Variants in EXOC6B observed in about 807,000 individuals in gnomAD.
EXOC6B encodes exocyst complex component 6B, also known as SEC15 homolog B.
A neutral mutation model predicts 113.5 loss-of-function variants in EXOC6B; 54 were observed. That is an observed-to-expected ratio of 0.48 (90% CI 0.38 to 0.60). The LOEUF (loss-of-function observed/expected upper bound fraction) is 0.60, where lower values mean the gene tolerates loss of function less well. EXOC6B is among the 20% of genes least tolerant of loss of function. EXOC6B has a pLI of 0.00. For missense variants in EXOC6B, 797 were observed against 977.5 expected, an observed-to-expected ratio of 0.82 and a Z score of 2.46; for synonymous variants, 357 against 339.0, an observed-to-expected ratio of 1.05 and a Z score of -0.58.
chr2:72,270,633 G>A (rs1049491123), intron 20 of EXOC6B, among the ~76,000 whole-genome samples: 2 of 151,984 alleles, frequency 1.3e-5, no homozygotes, highest in Non-Finnish European at 2.9e-5. Context: ...TTTCTTAGCT[G>A]CTTGCTTCTC....
At chr2:72,374,832 A>T (rs978414645) in intron 19 of EXOC6B, among the ~76,000 whole-genome samples, 6 of 150,624 alleles carry the variant, frequency 4.0e-5, no homozygotes, top group Non-Finnish European at 7.4e-5. Flanking sequence ...TACAAAATTT[A>T]AAAAATTACA....
intron 18 of EXOC6B, among the ~76,000 whole-genome samples, chr2:72,393,333 A>G (rs1182328433): frequency 6.6e-6 from 1 of 151,942 alleles, no homozygotes; most frequent in Non-Finnish European, 1.5e-5. Context: ...TGACCTCGTG[A>G]TCCACCCACC....
In EXOC6B at chr2:72,710,624, C is replaced by A. The variant is rs896226950; in HGVS notation, c.669+7479G>T. 1.3e-4 allele frequency among the ~76,000 whole-genome samples: 20 copies of A among 152,312 alleles called. No homozygotes were observed. The South Asian group carries it at 4.1e-3, about 32-fold the overall frequency. ...CATGTTTTGCATAATATCTAGCATA[C>A]AAGAGGCTTCAACAATACTTTTACG... On this transcript the variant is annotated intron_variant, in intron 6 of 21. Coordinates refer to ENST00000272427, the MANE Select transcript of EXOC6B (RefSeq NM_015189.3).
At chr2:72,740,401 A>G (rs1226117225) in intron 2 of EXOC6B, among the ~76,000 whole-genome samples, 3 of 152,228 alleles carry the variant, frequency 2.0e-5, no homozygotes, top group Non-Finnish European at 4.4e-5. Context: ...GAAAACTCAA[A>G]TTACATATAA....
chr2:72,614,409 C>A (rs1485093228), intron 6 of EXOC6B, among the ~76,000 whole-genome samples: 1 of 152,004 alleles, frequency 6.6e-6, no homozygotes, highest in African/African-American at 2.4e-5. Context: ...ACTGAACAGC[C>A]TGTATATGGA....
intron 18 of EXOC6B, among the ~76,000 whole-genome samples, chr2:72,425,972 G>A (rs1157251191): frequency 6.6e-6 from 1 of 152,114 alleles, no homozygotes; most frequent in Non-Finnish European, 1.5e-5. Flanking sequence ...TCTTAAAAGT[G>A]TATCTTTTAG....
At chr2:72,284,463 GT>G (rs1447332654) in intron 20 of EXOC6B, among the ~76,000 whole-genome samples, 8 of 151,948 alleles carry the variant, frequency 5.3e-5, no homozygotes, top group African/African-American at 1.9e-4. Context: ...AGTAGGAAAA[GT>G]TTATCAATTT....
chr2:72,719,618 C>G (rs894713542), intron 5 of EXOC6B, among the ~76,000 whole-genome samples: 1 of 152,218 alleles, frequency 6.6e-6, no homozygotes, highest in Non-Finnish European at 1.5e-5. Context: ...TATACAAACT[C>G]ATTAGCAAAG....
At chr2:72,434,710 T>A (rs1291530111) in intron 18 of EXOC6B, among the ~76,000 whole-genome samples, 2 of 152,234 alleles carry the variant, frequency 1.3e-5, no homozygotes, top group African/African-American at 4.8e-5. Flanking sequence ...TTTATAGTAT[T>A]CCCTGATGGT....
intron 18 of EXOC6B, among the ~76,000 whole-genome samples, chr2:72,420,987 T>C (rs543479949): frequency 2.0e-5 from 3 of 152,346 alleles, no homozygotes; most frequent in Admixed American, 2.0e-4. Flanking sequence ...CTAATGGCCA[T>C]TGATGATGAG....
At chr2:72,593,938 C>T in intron 6 of EXOC6B, among the ~76,000 whole-genome samples, 1 of 152,210 alleles carries the variant, frequency 6.6e-6, no homozygotes, top group Non-Finnish European at 1.5e-5. Context: ...AGGGACTGTT[C>T]GTTCCCTAGT....
chr2:72,224,882 AT>A (rs1396304372), intron 20 of EXOC6B, among the ~76,000 whole-genome samples: 1 of 147,664 alleles, frequency 6.8e-6, no homozygotes, highest in Non-Finnish European at 1.5e-5. Context: ...GTATATATAT[AT>A]ATACATCTAT....
intron 18 of EXOC6B, among the ~76,000 whole-genome samples, chr2:72,429,122 T>C (rs532108115): frequency 1.3e-5 from 2 of 152,388 alleles, no homozygotes; most frequent in African/African-American, 4.8e-5. Flanking sequence ...CCTGTCAATA[T>C]TCTAAAACTT....
chr2:72,187,095 T>A (rs1406698263), intron 20 of EXOC6B, among the ~76,000 whole-genome samples: 1 of 152,070 alleles, frequency 6.6e-6, no homozygotes, highest in African/African-American at 2.4e-5. Context: ...CAGCTCCAGG[T>A]GCCGGCATGG....
At chr2:72,787,454 C>T (rs1684440091) in intron 1 of EXOC6B, among the ~76,000 whole-genome samples, 1 of 152,044 alleles carries the variant, frequency 6.6e-6, no homozygotes, top group Admixed American at 6.6e-5. Context: ...CCTGCCTTAG[C>T]CTCCCAAAGT....
At chr2:72,279,617 C>A (rs547671308) in intron 20 of EXOC6B, among the ~76,000 whole-genome samples, 17 of 152,148 alleles carry the variant, frequency 1.1e-4, no homozygotes, top group African/African-American at 3.9e-4. Context: ...ATTTTTCTTT[C>A]TTTTTTATGT....
chr2:72,788,848 C>T (rs1196120148), intron 1 of EXOC6B, among the ~76,000 whole-genome samples: 1 of 152,140 alleles, frequency 6.6e-6, no homozygotes, highest in Non-Finnish European at 1.5e-5. Flanking sequence ...AAAGAATCTC[C>T]CATATTCCTT....
intron 6 of EXOC6B, among the ~76,000 whole-genome samples, chr2:72,628,355 C>G (rs559829056): frequency 1.3e-5 from 2 of 152,214 alleles, no homozygotes; most frequent in East Asian, 3.9e-4. Context: ...TCTCGAACTC[C>G]TGGGCTCAAG....
intron 5 of EXOC6B, among the ~76,000 whole-genome samples, chr2:72,730,498 G>C (rs552909385): frequency 2.1e-4 from 32 of 151,648 alleles, no homozygotes; most frequent in Non-Finnish European, 4.4e-4. Context: ...TGCAGCTTTT[G>C]CTATACTTGC....
Sources: gnomAD v4.1 joint callset for allele counts (sites outside exome capture counted in the v4.1 genomes callset) on GRCh38, gnomAD v4.1.1 for gene constraint, MANE v1.5 for transcripts, NCBI Gene and HGNC (gene_info 2026-07-23, HGNC 2026-07-21) for gene names.